The following MYO1H variants were observed in gnomAD, a reference collection of about 807,000 sequenced individuals.
MYO1H encodes unconventional myosin-Ih.
In MYO1H, 118 loss-of-function variants were observed where a neutral mutation model predicts 149.3. The observed-to-expected ratio is 0.79, with a 90% CI of 0.68 to 0.92. The LOEUF is 0.92. Among genes scored for constraint, MYO1H ranks in the 40% least tolerant of loss-of-function variants. The probability of loss-of-function intolerance (pLI) is 0.00; values close to 1 mark genes in which losing one functional copy is unlikely to be tolerated. For missense variants in MYO1H, 1,212 were observed against 1,280.7 expected (o/e 0.95, Z 0.82); for synonymous variants, 447 against 465.2 (o/e 0.96, Z 0.50).
chr12:109,401,997 C>T (rs1020611756), intron 6 of MYO1H, among the ~76,000 whole-genome samples: 33 of 152,174 alleles, frequency 2.2e-4, no homozygotes, highest in African/African-American at 7.0e-4. Flanking sequence ...GCCTCAGCCT[C>T]CCAAAGTGCT....
At chr12:109,394,970 C>A (rs1869827548) in intron 3 of MYO1H, among the ~76,000 whole-genome samples, 1 of 152,158 alleles carries the variant, frequency 6.6e-6, no homozygotes, top group Non-Finnish European at 1.5e-5. Context: ...GTGTGTTGCC[C>A]ATGCTGGTCT....
intron 2 of MYO1H, among the ~76,000 whole-genome samples, chr12:109,389,409 A>G (rs1419826742): frequency 6.6e-6 from 1 of 152,070 alleles, no homozygotes; most frequent in Non-Finnish European, 1.5e-5. Flanking sequence ...CCTGCCCCTG[A>G]AGGTGAGGGG....
intron 15 of MYO1H, among the ~76,000 whole-genome samples, chr12:109,419,707 G>A (rs754653126): frequency 6.6e-6 from 1 of 151,562 alleles, no homozygotes; most frequent in Non-Finnish European, 1.5e-5. Context: ...ACCACCACAC[G>A]CAGCTAAGTT....
chr12:109,417,279 G>A (rs1474702085), intron 15 of MYO1H, among the ~76,000 whole-genome samples: 2 of 152,124 alleles, frequency 1.3e-5, no homozygotes, highest in Non-Finnish European at 2.9e-5. Context: ...GTATATGAGG[G>A]GTTCCAATAT....
chr12:109,332,211 C>T, the MYO1H span, among the ~76,000 whole-genome samples: 1 of 152,178 alleles, frequency 6.6e-6, no homozygotes, highest in African/African-American at 2.4e-5. Flanking sequence ...ACTTGGAAAA[C>T]AATGTAGTAT....
chr12:109,432,303 CT>C (rs1028227596), intron 19 of MYO1H, among the ~76,000 whole-genome samples: 4 of 152,086 alleles, frequency 2.6e-5, no homozygotes, highest in East Asian at 1.9e-4. Flanking sequence ...TGCGCCTGGC[CT>C]TTTTTTAAGT....
intron 27 of MYO1H, among the ~76,000 whole-genome samples, chr12:109,443,172 G>GTATGTGTGTGTATA (rs1872280498): frequency 9.1e-6 from 1 of 110,078 alleles, no homozygotes. Context: ...ATATGTGTAC[G>GTATGTGTGTGTATA]TATGTGTGTA....
the MYO1H span, among the ~76,000 whole-genome samples, chr12:109,312,700 C>T: frequency 6.6e-6 from 1 of 151,956 alleles, no homozygotes; most frequent in Non-Finnish European, 1.5e-5. Context: ...TTTCTTTGAC[C>T]CTGACCGCTG....
rs771056977 is a variant in MYO1H at position 109,425,926 on chromosome 12, CTT to C, written c.1726-18_1726-17del. 6.5e-6 allele frequency: 9 copies of C among 1,393,728 alleles called. No individual in the cohort carries two copies. The highest frequency in any genetic ancestry group is 9.0e-6 in the Non-Finnish European group (9 of 998,216). The allele number at this position is 1,393,728 out of a possible 1,614,324, so 86.3% of individuals were successfully genotyped here. A position where few individuals can be genotyped will look rare whatever the true frequency, so the allele number is the denominator to read the frequency against. ...TATCTCTCTGGCTCGTTCTCTCTCT[CTT>C]TCTCTCTCTCTCTGCAGGTGGGGAC... is the stretch of plus-strand genomic sequence containing the variant. On this transcript the variant is annotated intron_variant, in intron 17 of 31. Transcript: ENST00000310903.
Position 109,400,972 on chromosome 12 carries a change from A to T in MYO1H, c.571-121A>T, listed in dbSNP as rs1870133839. 9 of 896,104 alleles carry T rather than the reference A, an allele frequency of 1.0e-5. No homozygotes were observed. The Admixed American group carries it at 2.8e-4, about 27-fold the overall frequency. The allele number at this position is 896,104 out of a possible 1,614,324, so 55.5% of individuals were successfully genotyped here. ...GACAGAAGATTGATATGTCCAAAAA[A>T]AAGAAAGAAGATTGATCAGATCAGA... On this transcript the variant is annotated intron_variant, in intron 5 of 31. Transcript: ENST00000310903.
At chr12:109,346,486 C>A (rs545095829), upstream of MYO1H, among the ~76,000 whole-genome samples, 1 of 152,162 alleles carries the variant, frequency 6.6e-6, no homozygotes, top group Non-Finnish European at 1.5e-5. Flanking sequence ...ATAGGCCAGG[C>A]GCGATGGCCC....
chr12:109,390,954 C>G (rs575344397), intron 2 of MYO1H, among the ~76,000 whole-genome samples: 3 of 152,178 alleles, frequency 2.0e-5, no homozygotes, highest in Non-Finnish European at 2.9e-5. Flanking sequence ...TGTGCCCGGC[C>G]CACCCATCCT....
At chr12:109,347,334 C>T (rs1311864994), upstream of MYO1H, among the ~76,000 whole-genome samples, 2 of 152,174 alleles carry the variant, frequency 1.3e-5, no homozygotes, top group Non-Finnish European at 2.9e-5. Flanking sequence ...ACTGAACAGC[C>T]TCCAATATCA....
chr12:109,327,228 G>A, the MYO1H span, among the ~76,000 whole-genome samples: 1 of 148,690 alleles, frequency 6.7e-6, no homozygotes, highest in South Asian at 2.1e-4. Flanking sequence ...TGCCTCCTGG[G>A]TTCAAGCAAT....
chr12:109,329,040 T>C, the MYO1H span, among the ~76,000 whole-genome samples: 6 of 151,840 alleles, frequency 4.0e-5, no homozygotes, highest in Non-Finnish European at 1.5e-5. Flanking sequence ...TTTCTTTTTT[T>C]TTTTTTTTGC....
upstream of MYO1H, among the ~76,000 whole-genome samples, chr12:109,344,809 C>G (rs972504045): frequency 6.6e-6 from 1 of 152,148 alleles, no homozygotes; most frequent in Non-Finnish European, 1.5e-5. Context: ...ATTAAAAGTT[C>G]AGGTGTAAAC....
chr12:109,349,625 A>G (rs1366965143), intron 1 of MYO1H, among the ~76,000 whole-genome samples: 1 of 145,710 alleles, frequency 6.9e-6, no homozygotes, highest in Non-Finnish European at 1.5e-5. Context: ...CATGCCATGC[A>G]CTCAGCCTGG....
At position 109,410,700 on chromosome 12, in the gene MYO1H, A is replaced by T. The variant is rs749009407; in HGVS notation, c.1342A>T (p.Lys448Ter). 24 of 1,597,466 alleles carry T rather than the reference A, an allele frequency of 1.5e-5. No individual in the cohort carries two copies. The South Asian group carries it at 2.7e-4, about 18-fold the overall frequency. The change falls in exon 13 of 32, where the codon AAA (lysine) becomes TAA (stop). Residue 448 changes from lysine to a stop codon, truncating the protein, a stop_gained. Transcript: ENST00000310903. LOFTEE classifies it high-confidence loss of function. ...TTTGTCATTTTAGTGGGAGCCAATT[A>T]AATATTTCAACAACAAGATCATCTG...
At chr12:109,410,761 C>T (rs766636855) in exon 13 of MYO1H, 4 of 1,578,384 alleles carry the variant, frequency 2.5e-6, no homozygotes, top group Non-Finnish European at 3.5e-6. Context: ...GGAATCATAT[C>T]TATTCTGGTG....
Sources: allele counts gnomAD v4.1 joint callset (sites outside exome capture counted in the v4.1 genomes callset), GRCh38; gene constraint gnomAD v4.1.1; transcripts MANE v1.5; gene names NCBI Gene and HGNC (gene_info 2026-07-23, HGNC 2026-07-21).